The following SMYD3 variants were observed in gnomAD, a reference collection of about 807,000 sequenced individuals.
SMYD3 encodes the protein SET and MYND domain containing 3.
Under a neutral mutation model 57.7 loss-of-function variants are expected in SMYD3, and 36 were observed. The observed-to-expected ratio is 0.62, with a 90% CI of 0.48 to 0.82. SMYD3 has a LOEUF of 0.82. Among genes scored for constraint, SMYD3 ranks in the 40% least tolerant of loss-of-function variants. The pLI is 0.00. For synonymous variants in SMYD3, 211 were observed against 195.0 expected (o/e 1.08, Z -0.68); for missense variants, 515 against 538.8 (o/e 0.96, Z 0.44).
chr1:245,920,726 C>T (rs895247842), intron 7 of SMYD3, among the ~76,000 whole-genome samples: 2 of 152,172 alleles, frequency 1.3e-5, no homozygotes, highest in East Asian at 1.9e-4. Context: ...GTTCAATAAA[C>T]GGTGCTAGGA....
At chr1:246,034,296 T>C (rs2059731375) in intron 5 of SMYD3, among the ~76,000 whole-genome samples, 1 of 152,190 alleles carries the variant, frequency 6.6e-6, no homozygotes, top group Non-Finnish European at 1.5e-5. Flanking sequence ...GAAGTATTAT[T>C]TCACGCTAAA....
intron 7 of SMYD3, among the ~76,000 whole-genome samples, chr1:245,919,239 T>C: frequency 6.6e-6 from 1 of 152,214 alleles, no homozygotes; most frequent in East Asian, 1.9e-4. Flanking sequence ...GGTTTCTCAC[T>C]GCCCTTGAAT....
At chr1:246,417,188 C>G (rs75635553) in intron 1 of SMYD3, 8 of 152,212 alleles carry the variant, frequency 5.3e-5, no homozygotes, top group Non-Finnish European at 1.5e-5. Context: ...AAATCACTAT[C>G]CCCCAAAATT....
chr1:245,859,065 G>A (rs1054228431), intron 9 of SMYD3, among the ~76,000 whole-genome samples: 2 of 152,180 alleles, frequency 1.3e-5, no homozygotes, highest in African/African-American at 4.8e-5. Flanking sequence ...TTTAAAAACT[G>A]TTTGAAATTA....
At chr1:246,495,348 CAA>C (rs11329443) in intron 1 of SMYD3, among the ~76,000 whole-genome samples, 105 of 57,888 alleles carry the variant, frequency 1.8e-3, no homozygotes, top group East Asian at 0.018. Context: ...GACTCCGTCT[CAA>C]AAAAAAAAAA....
intron 1 of SMYD3, among the ~76,000 whole-genome samples, chr1:246,363,168 A>T (rs1272752598): frequency 1.3e-5 from 2 of 148,182 alleles, no homozygotes; most frequent in Non-Finnish European, 3.0e-5. Flanking sequence ...CTGAGAAGTG[A>T]GGAGCCCCTC....
chr1:245,848,176 T>C (rs995386339), intron 10 of SMYD3, among the ~76,000 whole-genome samples: 2 of 151,874 alleles, frequency 1.3e-5, no homozygotes, highest in Non-Finnish European at 2.9e-5. Flanking sequence ...CATGGTTCAC[T>C]GTAGCCTCGA....
At position 246,379,570 on chromosome 1, in the gene SMYD3, G is replaced by A. The variant is rs1368150444; in HGVS notation, c.165-24476C>T. On this transcript the variant is annotated intron_variant, in intron 1 of 11. Coordinates refer to ENST00000490107, the MANE Select transcript of SMYD3 (RefSeq NM_001167740.2). ...GAAAAATTACTGAATTAACGTAACA[G>A]TTGAAGTTATTCGCAGAAGTAACCA... is the stretch of plus-strand genomic sequence containing the variant. Among the ~76,000 whole-genome samples, 3 of 152,200 alleles carry A rather than the reference G, an allele frequency of 2.0e-5. 1 individual carries two copies. The highest frequency in any genetic ancestry group is 1.3e-4 in the Admixed American group (2 of 15,286).
intron 10 of SMYD3, among the ~76,000 whole-genome samples, chr1:245,817,822 T>C (rs2048938188): frequency 1.3e-5 from 2 of 151,702 alleles, no homozygotes; most frequent in East Asian, 3.9e-4. Flanking sequence ...ATGAATGAAA[T>C]GAAGTGAGAA....
At chr1:245,922,028 A>T (rs961834289) in intron 7 of SMYD3, among the ~76,000 whole-genome samples, 6 of 152,338 alleles carry the variant, frequency 3.9e-5, no homozygotes, top group Non-Finnish European at 8.8e-5. Flanking sequence ...AGGTTACTAA[A>T]TATTCTTTTA....
chr1:246,488,401 A>C (rs1437648151), intron 1 of SMYD3, among the ~76,000 whole-genome samples: 1 of 152,220 alleles, frequency 6.6e-6, no homozygotes, highest in African/African-American at 2.4e-5. Flanking sequence ...AAAATAACAG[A>C]GATTTAGGCT....
At chr1:246,455,563 A>G (rs1250690264) in intron 1 of SMYD3, among the ~76,000 whole-genome samples, 3 of 152,218 alleles carry the variant, frequency 2.0e-5, no homozygotes, top group Non-Finnish European at 4.4e-5. Flanking sequence ...CAAATGCTAT[A>G]GAAAAGCCAG....
At chr1:246,313,358 A>ATTGTG (rs1357042501) in intron 5 of SMYD3, among the ~76,000 whole-genome samples, 1 of 152,162 alleles carries the variant, frequency 6.6e-6, no homozygotes, top group Non-Finnish European at 1.5e-5. Flanking sequence ...CCACTGAATG[A>ATTGTG]TTGTGAAGGA....
intron 5 of SMYD3, among the ~76,000 whole-genome samples, chr1:246,148,924 T>C (rs550743336): frequency 2.5e-4 from 38 of 152,360 alleles, no homozygotes; most frequent in African/African-American, 8.4e-4. Flanking sequence ...AGGCTCAGCC[T>C]GGAGTTCTCA....
At chr1:246,294,016 T>C (rs978347043) in intron 5 of SMYD3, among the ~76,000 whole-genome samples, 2 of 152,174 alleles carry the variant, frequency 1.3e-5, no homozygotes, top group African/African-American at 4.8e-5. Context: ...TATCTTTCTC[T>C]CCAGGTTTTC....
At chr1:246,433,314 T>C (rs2067324547) in intron 1 of SMYD3, among the ~76,000 whole-genome samples, 1 of 152,136 alleles carries the variant, frequency 6.6e-6, no homozygotes, top group Admixed American at 6.5e-5. Flanking sequence ...AAATCAGAGA[T>C]GTCACAAACA....
At position 246,014,270 on chromosome 1, in the gene SMYD3, C is replaced by T. The variant is rs566719810; in HGVS notation, c.532-84333G>A. ...CCAGGAGGTGGAGATTGCAGTGAGC[C>T]GAGATTGCGGCATTGCACTCCAGGC... is the stretch of plus-strand genomic sequence containing the variant. On this transcript the variant is annotated intron_variant, in intron 5 of 11. Transcript: ENST00000490107. Among the ~76,000 whole-genome samples the T allele has an allele frequency of 1.4e-4, 21 of 152,234 alleles. 1 individual carries two copies. In the South Asian group the frequency reaches 3.7e-3, roughly 27 times the overall value.
chr1:246,073,067 A>G (rs1372100030), intron 5 of SMYD3, among the ~76,000 whole-genome samples: 1 of 152,194 alleles, frequency 6.6e-6, no homozygotes, highest in African/African-American at 2.4e-5. Context: ...ATTTTTGATG[A>G]CTGCAGTTAC....
chr1:245,846,544 G>C (rs2050675551), intron 10 of SMYD3, among the ~76,000 whole-genome samples: 1 of 152,208 alleles, frequency 6.6e-6, no homozygotes, highest in Non-Finnish European at 1.5e-5. Context: ...TCCATGGCCT[G>C]AGTTTGAATC....
Sources: allele counts gnomAD v4.1 joint callset (sites outside exome capture counted in the v4.1 genomes callset), GRCh38; gene constraint gnomAD v4.1.1; transcripts MANE v1.5; gene names NCBI Gene and HGNC (gene_info 2026-07-23, HGNC 2026-07-21).